PPP5C: variants seen among roughly 807,000 people sequenced by gnomAD.
The protein encoded by PPP5C is protein phosphatase 5 catalytic subunit.
A neutral mutation model predicts 66.7 loss-of-function variants in PPP5C; 21 were observed. That is an observed-to-expected ratio of 0.31 (90% CI 0.22 to 0.45). The LOEUF (loss-of-function observed/expected upper bound fraction) is 0.45. Among genes scored for constraint, PPP5C ranks in the 20% least tolerant of loss-of-function variants. The probability of loss-of-function intolerance (pLI) is 1.00; values close to 1 mark genes in which losing one functional copy is unlikely to be tolerated. For missense variants in PPP5C, 464 were observed against 675.9 expected, an observed-to-expected ratio of 0.69 and a Z score of 3.48; for synonymous variants, 246 against 257.4, an observed-to-expected ratio of 0.96 and a Z score of 0.43.
Position 46,390,096 on chromosome 19 carries a change from T to A in PPP5C, c.1401T>A (p.Ser467=). Residue 467 remains serine (S), a synonymous_variant, in exon 12 of 13, where the codon TCT becomes TCA. Transcript: ENST00000012443. ...CCTCCTACATCCACCTCCAGGGCTC[T>A]GACCTACGGCCTCAGTTCCACCAGT... ...NKASYIHLQG[S]DLRPQFHQFT... is the part of the protein sequence containing the mutation. 1 of 1,614,150 alleles carries A rather than the reference T, an allele frequency of 6.2e-7. No homozygotes were observed. The highest frequency in any genetic ancestry group is 8.5e-7 in the Non-Finnish European group (1 of 1,179,994).
intron 4 of PPP5C, among the ~76,000 whole-genome samples, chr19:46,381,010 T>G (rs1004050476): frequency 4.6e-5 from 7 of 152,230 alleles, no homozygotes; most frequent in South Asian, 2.1e-4. Context: ...TGATACTATT[T>G]GATACTATTC....
In PPP5C at chr19:46,376,701, G is replaced by GTGTGCCGGACAC; in HGVS notation, c.633+135_633+146dup. 7.5e-7 allele frequency: 1 copy of GTGTGCCGGACAC among 1,336,396 alleles called. No individual in the cohort carries two copies. Among genetic ancestry groups the GTGTGCCGGACAC allele is most frequent in the South Asian group, 1.4e-5 (1 of 72,604 alleles). 82.8% of individuals were successfully genotyped at this position (1,336,396 alleles called of 1,614,324 possible). Reference sequence around the variant, plus strand: ...TGACAGCCAACACCAAACAGGAGTCGTGTGCCGGACACTGTGCCGAGGGCT... The same window carrying GTGTGCCGGACAC: ...TGACAGCCAACACCAAACAGGAGTCGTGTGCCGGACACTGTGCCGGACACTGTGCCGAGGGCT... On this transcript the variant is annotated intron_variant, in intron 4 of 12. Coordinates refer to ENST00000012443, the MANE Select transcript of PPP5C (RefSeq NM_006247.4). The surrounding 1 kb of genome is among the most constrained non-coding windows in gnomAD (Gnocchi z 5.1).
chr19:46,383,200 A>G lies in PPP5C; in HGVS notation c.634-211A>G, dbSNP rs536472766. ...CAGGTTTTCGTACAAAACAATCGCA[A>G]TGCTTCGGCACTGCACAGGCCACAG... On this transcript the variant is annotated intron_variant, in intron 4 of 12. Transcript: ENST00000012443. This position sits in a 1 kb window ranked among gnomAD's most constrained non-coding sequence, Gnocchi z 5.0. The G allele has an allele frequency of 9.0e-5, 136 of 1,510,032 alleles. No individual in the cohort carries two copies. The African/African-American group carries it at 1.7e-3, about 19-fold the overall frequency. 93.5% of individuals were successfully genotyped at this position (1,510,032 alleles called of 1,614,324 possible).
rs537641749 is a variant in PPP5C, at chr19:46,366,677, G to A, written c.364-8927G>A. The stretch of plus-strand genomic sequence containing the variant: ...AAAAAAAGGACAAATGAGAAGAGGG[G>A]TGATTATAAAAGGGGTTTTGCAGGA... On this transcript the variant is annotated intron_variant, in intron 2 of 12. Transcript: ENST00000012443. Among the ~76,000 whole-genome samples, 7 of 152,296 alleles carry A rather than the reference G, an allele frequency of 4.6e-5. No homozygotes were observed. The East Asian group carries it at 1.4e-3, about 29-fold the overall frequency.
chr19:46,387,032 G>A (rs754776435), intron 7 of PPP5C, 61 bp from the exon 8 acceptor site: 2 of 1,612,416 alleles, frequency 1.2e-6, no homozygotes, highest in Non-Finnish European at 1.7e-6. Context: ...GAGGGTGCCA[G>A]GCTGGAGGAC....
At chr19:46,384,421 A>C in intron 6 of PPP5C, 2 of 276,966 alleles carry the variant, frequency 7.2e-6, no homozygotes, top group Non-Finnish European at 1.4e-5. Context: ...TTGTAGGGCC[A>C]CTAGGCCTAT....
At position 46,368,659 on chromosome 19, in the gene PPP5C, G is replaced by A. The variant is rs181056102; in HGVS notation, c.364-6945G>A. Reference sequence around the variant, plus strand: ...CAGAGTCTGAGATCTTAGTGTACCCGTCACCCGAGTACTGTACAGTGCACC... The same window carrying A: ...CAGAGTCTGAGATCTTAGTGTACCCATCACCCGAGTACTGTACAGTGCACC... On this transcript the variant is annotated intron_variant, in intron 2 of 12. Coordinates refer to ENST00000012443, the MANE Select transcript of PPP5C (RefSeq NM_006247.4). Among the ~76,000 whole-genome samples the A allele has an allele frequency of 4.6e-5, 7 of 152,192 alleles. No homozygotes were observed. In the South Asian group the frequency reaches 8.3e-4, roughly 18 times the overall value.
intron 2 of PPP5C, among the ~76,000 whole-genome samples, chr19:46,371,743 AG>A (rs1972596992): frequency 6.6e-6 from 1 of 152,222 alleles, no homozygotes; most frequent in South Asian, 2.1e-4. Flanking sequence ...CCCTTATGTC[AG>A]GCTTCAGGCT....
chr19:46,383,734 G>GTC lies in PPP5C; in HGVS notation c.700-37_700-36dup, dbSNP rs748887690. On this transcript the variant is annotated intron_variant, in intron 5 of 12. Transcript: ENST00000012443. The surrounding 1 kb of genome is among the most constrained non-coding windows in gnomAD (Gnocchi z 5.0). ...CCCCTCACCTCTGCCCCCTCCCCAC[G>GTC]TCTCTCTCTCGGCCCGTCCCTCTCC... is the stretch of plus-strand genomic sequence containing the variant. 1.6e-5 allele frequency: 23 copies of GTC among 1,483,424 alleles called. No individual in the cohort carries two copies. The highest frequency in any genetic ancestry group is 2.3e-5 in the South Asian group (2 of 88,126). 91.9% of individuals were successfully genotyped at this position (1,483,424 alleles called of 1,614,324 possible).
intron 2 of PPP5C, among the ~76,000 whole-genome samples, chr19:46,362,774 ATTTATTTTTATTT>A (rs1972412552): frequency 6.6e-6 from 1 of 151,684 alleles, no homozygotes; most frequent in Non-Finnish European, 1.5e-5. Flanking sequence ...GTTTTTATTT[ATTTATTTTTATTT>A]TTTATTTTTA....
intron 7 of PPP5C, 160 bp from the exon 8 acceptor site, chr19:46,386,932 TC>T (rs1220687636): frequency 3.1e-6 from 3 of 967,262 alleles, no homozygotes; most frequent in Middle Eastern, 3.3e-4. Context: ...TTGTCAAGAT[TC>T]CCCCCTTGGT....
At chr19:46,369,087 A>G (rs1017028481) in intron 2 of PPP5C, among the ~76,000 whole-genome samples, 6 of 152,210 alleles carry the variant, frequency 3.9e-5, no homozygotes, top group African/African-American at 1.4e-4. Flanking sequence ...CCTCTCATAT[A>G]TATCCACATG....
In PPP5C at chr19:46,371,531, G is replaced by T. The variant is rs73940697; in HGVS notation, c.364-4073G>T. Among the ~76,000 whole-genome samples the T allele has an allele frequency of 4.0e-3, 606 of 152,276 alleles. 3 individuals carry two copies. The highest frequency in any genetic ancestry group is 0.014 in the African/African-American group (562 of 41,542). ...CCCAGAGGGTAGCTCACTCCACTGA[G>T]GTTGCACAGCCAGGAGGTGGCAGCT... is the stretch of plus-strand genomic sequence containing the variant. On this transcript the variant is annotated intron_variant, in intron 2 of 12. Coordinates refer to ENST00000012443, the MANE Select transcript of PPP5C (RefSeq NM_006247.4).
chr19:46,390,581 G>T lies in PPP5C; in HGVS notation c.*235G>T, dbSNP rs897206934. ...AGGAGGTGGAGCAGCTGGGGCTGGG[G>T]GCACAGCCTGGGCATTCTGTGGGGA... On this transcript the variant is annotated 3_prime_UTR_variant, in exon 13 of 13. Transcript: ENST00000012443. 6 of 1,395,120 alleles carry T rather than the reference G, an allele frequency of 4.3e-6. No homozygotes were observed. In the African/African-American group the frequency reaches 8.7e-5, roughly 20 times the overall value. The allele number at this position is 1,395,120 out of a possible 1,614,324, so 86.4% of individuals were successfully genotyped here. A position where few individuals can be genotyped will look rare whatever the true frequency, so the allele number is the denominator to read the frequency against.
At chr19:46,373,989 G>A (rs948158672) in intron 2 of PPP5C, among the ~76,000 whole-genome samples, 3 of 152,192 alleles carry the variant, frequency 2.0e-5, no homozygotes, top group African/African-American at 7.2e-5. Context: ...GGTGGGAGGA[G>A]CCGCATGGGC....
chr19:46,355,178 G>A (rs887720002), intron 2 of PPP5C, among the ~76,000 whole-genome samples: 2 of 152,264 alleles, frequency 1.3e-5, no homozygotes, highest in African/African-American at 4.8e-5. Flanking sequence ...TCCCACCTCA[G>A]AGTTCGCTCC....
intron 2 of PPP5C, among the ~76,000 whole-genome samples, chr19:46,369,143 AGT>A (rs1972539661): frequency 6.6e-6 from 1 of 152,176 alleles, no homozygotes; most frequent in African/African-American, 2.4e-5. Flanking sequence ...GTTTTTGAGA[AGT>A]GTGTTGTTAG....
chr19:46,377,077 C>A (rs1447786209), intron 4 of PPP5C, among the ~76,000 whole-genome samples: 3 of 152,164 alleles, frequency 2.0e-5, no homozygotes, highest in African/African-American at 7.2e-5. Context: ...GCTACAGGGA[C>A]CTTACCATAG....
intron 2 of PPP5C, among the ~76,000 whole-genome samples, chr19:46,369,340 G>A (rs943139294): frequency 2.0e-5 from 3 of 152,194 alleles, no homozygotes; most frequent in Admixed American, 6.5e-5. Flanking sequence ...GCATCTGAAC[G>A]TAGAAAAGGG....
Sources: gnomAD v4.1 joint callset for allele counts (sites outside exome capture counted in the v4.1 genomes callset) on GRCh38, gnomAD v4.1.1 for gene constraint, Gnocchi (gnomAD v3.1) non-coding constraint, MANE v1.5 for transcripts, NCBI Gene and HGNC (gene_info 2026-07-23, HGNC 2026-07-21) for gene names.